The following SLC25A26 variants were observed in gnomAD, a reference collection of about 807,000 sequenced individuals.
The protein encoded by SLC25A26 is mitochondrial S-adenosylmethionine carrier protein.
Under a neutral mutation model 37.8 loss-of-function variants are expected in SLC25A26, and 36 were observed. The ratio of observed to expected loss-of-function variants is 0.95; its 90% CI spans 0.73 to 1.26. The LOEUF is 1.26. Among genes scored for constraint, SLC25A26 ranks in the 50% most tolerant of loss-of-function variants. The pLI, the probability that SLC25A26 is intolerant of heterozygous loss-of-function variation, is 0.00. For missense variants in SLC25A26, 390 were observed against 331.1 expected (o/e 1.18, Z -1.38); for synonymous variants, 129 against 122.5 (o/e 1.05, Z -0.35).
At chr3:66,233,269 T>G (rs1287258867) in intron 1 of SLC25A26, among the ~76,000 whole-genome samples, 1 of 152,268 alleles carries the variant, frequency 6.6e-6, no homozygotes, top group Non-Finnish European at 1.5e-5. Context: ...CTCTACAGTC[T>G]GCCAACACTT....
At chr3:66,208,489 A>G (rs895261973) in intron 1 of SLC25A26, among the ~76,000 whole-genome samples, 1 of 151,898 alleles carries the variant, frequency 6.6e-6, no homozygotes, top group East Asian at 1.9e-4. Flanking sequence ...TCAAGTTGAC[A>G]TTCTTTGTGT....
chr3:66,340,144 T>G (rs572149658), intron 5 of SLC25A26, among the ~76,000 whole-genome samples: 2 of 152,224 alleles, frequency 1.3e-5, no homozygotes, highest in East Asian at 3.9e-4. Flanking sequence ...GGCACCCTTT[T>G]CGAAGATTGT....
chr3:66,313,424 G>A (rs1452352294), intron 5 of SLC25A26, among the ~76,000 whole-genome samples: 2 of 152,140 alleles, frequency 1.3e-5, no homozygotes. Context: ...AAGATCAGAT[G>A]GTTGTAGATG....
chr3:66,345,841 C>T (rs2076309807), intron 5 of SLC25A26, among the ~76,000 whole-genome samples: 1 of 152,180 alleles, frequency 6.6e-6, no homozygotes, highest in Non-Finnish European at 1.5e-5. Context: ...GACTATTGTG[C>T]TTCTGTTTCC....
intron 6 of SLC25A26, among the ~76,000 whole-genome samples, chr3:66,356,459 T>C (rs1575604286): frequency 6.6e-6 from 1 of 152,208 alleles, no homozygotes; most frequent in Non-Finnish European, 1.5e-5. Context: ...ATACAAATAC[T>C]GTTAATGTAA....
chr3:66,300,399 C>A (rs994605219), intron 5 of SLC25A26, among the ~76,000 whole-genome samples: 2 of 151,820 alleles, frequency 1.3e-5, no homozygotes, highest in Non-Finnish European at 2.9e-5. Context: ...ATGATTTGAA[C>A]TTTATTCTTT....
intron 1 of SLC25A26, among the ~76,000 whole-genome samples, chr3:66,182,092 G>C (rs2106760673): frequency 6.6e-6 from 1 of 152,254 alleles, no homozygotes; most frequent in South Asian, 2.1e-4. Flanking sequence ...CTGACACGAA[G>C]CACAGGCAAC....
chr3:66,237,558 TA>T (rs1315607092), intron 2 of SLC25A26, among the ~76,000 whole-genome samples: 2 of 152,246 alleles, frequency 1.3e-5, no homozygotes, highest in Non-Finnish European at 2.9e-5. Context: ...TGTTTCTCAC[TA>T]ATGTTCTCCT....
At chr3:66,371,393 G>C in intron 9 of SLC25A26, 1 of 1,511,176 alleles carries the variant, frequency 6.6e-7, no homozygotes, top group African/African-American at 1.4e-5. Flanking sequence ...GCTATTTGAT[G>C]ATCTGGAGGA....
intron 2 of SLC25A26, among the ~76,000 whole-genome samples, chr3:66,238,532 G>A (rs1376421711): frequency 4.6e-5 from 7 of 151,904 alleles, no homozygotes; most frequent in Admixed American, 6.6e-5. Flanking sequence ...ACAGGCACAC[G>A]CCACCACACC....
chr3:66,320,920 G>T (rs1419131969), intron 5 of SLC25A26, among the ~76,000 whole-genome samples: 7 of 152,114 alleles, frequency 4.6e-5, no homozygotes, highest in Non-Finnish European at 1.0e-4. Context: ...TTATATAATT[G>T]CTATGGTCTG....
Position 66,191,301 on chromosome 3 carries a change from G to A in SLC25A26, c.-353-29441G>A, listed in dbSNP as rs1026998559. On this transcript the variant is annotated intron_variant, in intron 1 of 10. Transcript: ENST00000676754. ...TTCCAGCTACTCAGGAGTCTGAGGC[G>A]GGAGTATTGACTGAATCCAGGAGGT... Among the ~76,000 whole-genome samples, 301 of 152,238 alleles carry A rather than the reference G, an allele frequency of 2.0e-3. 2 individuals carry two copies. Among genetic ancestry groups the A allele is most frequent in the African/African-American group, 6.9e-3 (286 of 41,532 alleles).
intron 1 of SLC25A26, among the ~76,000 whole-genome samples, chr3:66,231,240 G>C (rs1177927668): frequency 6.6e-6 from 1 of 152,110 alleles, no homozygotes; most frequent in Non-Finnish European, 1.5e-5. Flanking sequence ...AACACTCCAA[G>C]GTCTATAGAG....
chr3:66,344,806 T>C (rs1310774967), intron 5 of SLC25A26, among the ~76,000 whole-genome samples: 1 of 152,176 alleles, frequency 6.6e-6, no homozygotes, highest in Non-Finnish European at 1.5e-5. Context: ...TAATAACAGA[T>C]TGTACTGTGG....
intron 5 of SLC25A26, among the ~76,000 whole-genome samples, chr3:66,274,028 C>A (rs1388527931): frequency 2.0e-5 from 3 of 152,308 alleles, no homozygotes; most frequent in Middle Eastern, 3.4e-3. Context: ...ACCAAAACAG[C>A]ATGGTACTGG....
intron 5 of SLC25A26, among the ~76,000 whole-genome samples, chr3:66,281,822 C>CTTTTTTTT (rs35569177): frequency 8.2e-6 from 1 of 122,454 alleles, no homozygotes; most frequent in Non-Finnish European, 1.7e-5. Context: ...CCCGTTAGTC[C>CTTTTTTTT]TTTTTTTTTT....
intron 1 of SLC25A26, among the ~76,000 whole-genome samples, chr3:66,136,924 C>G (rs1440003638): frequency 6.6e-6 from 1 of 152,148 alleles, no homozygotes; most frequent in Non-Finnish European, 1.5e-5. Context: ...GTTGGAGCTT[C>G]CTCAACAATA....
At chr3:66,151,638 A>G (rs767050293) in intron 1 of SLC25A26, among the ~76,000 whole-genome samples, 6 of 152,084 alleles carry the variant, frequency 3.9e-5, no homozygotes, top group Non-Finnish European at 8.8e-5. Context: ...TCCTTTCTCC[A>G]TGGAGGGACT....
chr3:66,170,791 GTTT>G (rs36147154), intron 1 of SLC25A26, among the ~76,000 whole-genome samples: 134 of 50,872 alleles, frequency 2.6e-3, no homozygotes, highest in Middle Eastern at 0.022. Context: ...TGTGATTATT[GTTT>G]TTTTTTTTTT....
Sources: gnomAD v4.1 joint callset for allele counts (sites outside exome capture counted in the v4.1 genomes callset) on GRCh38, gnomAD v4.1.1 for gene constraint, MANE v1.5 for transcripts, NCBI Gene and HGNC (gene_info 2026-07-23, HGNC 2026-07-21) for gene names.